ZFYVE28: variants seen among roughly 807,000 people sequenced by gnomAD.
ZFYVE28 encodes zinc finger FYVE-type containing 28.
A neutral mutation model predicts 82.1 loss-of-function variants in ZFYVE28; 40 were observed. The observed-to-expected ratio is 0.49, with a 90% CI of 0.38 to 0.63. The LOEUF is 0.63. Ranked by LOEUF, ZFYVE28 falls within the 30% of genes least tolerant of loss-of-function variation. The pLI is 0.00. For missense variants in ZFYVE28, 1,321 were observed against 1,242.1 expected (o/e 1.06, Z -0.96); for synonymous variants, 612 against 546.1 (o/e 1.12, Z -1.68).
chr4:2,407,105 C>G (rs1239137517), intron 1 of ZFYVE28, among the ~76,000 whole-genome samples: 1 of 117,764 alleles, frequency 8.5e-6, no homozygotes, highest in East Asian at 5.2e-4. Flanking sequence ...TACCCACTCC[C>G]TCCCCGACTC....
intron 1 of ZFYVE28, among the ~76,000 whole-genome samples, chr4:2,359,199 T>C (rs1725777236): frequency 6.6e-6 from 1 of 151,620 alleles, no homozygotes; most frequent in African/African-American, 2.4e-5. Flanking sequence ...GCCAGGATGG[T>C]CTCGATCACC....
intron 6 of ZFYVE28, among the ~76,000 whole-genome samples, chr4:2,323,694 T>G: frequency 1.6e-5 from 1 of 62,262 alleles, no homozygotes; most frequent in African/African-American, 6.8e-5. Flanking sequence ...CCCTCCCCCC[T>G]CCCCCCACCC....
At chr4:2,333,798 C>A (rs553184966) in intron 6 of ZFYVE28, among the ~76,000 whole-genome samples, 1 of 152,242 alleles carries the variant, frequency 6.6e-6, no homozygotes, top group Non-Finnish European at 1.5e-5. Context: ...GGCCGGCTCG[C>A]AGGATCTTTG....
intron 1 of ZFYVE28, among the ~76,000 whole-genome samples, chr4:2,357,390 C>T (rs1725486786): frequency 6.6e-6 from 1 of 152,214 alleles, no homozygotes; most frequent in African/African-American, 2.4e-5. Context: ...AGGAGCCTTC[C>T]TGCCACTTCC....
chr4:2,380,745 G>A (rs1728647060), intron 1 of ZFYVE28, among the ~76,000 whole-genome samples: 2 of 152,248 alleles, frequency 1.3e-5, no homozygotes, highest in African/African-American at 2.4e-5. Context: ...TTTTATCAGG[G>A]GTTTTCGCTT....
chr4:2,356,298 C>A (rs907539278), intron 1 of ZFYVE28, among the ~76,000 whole-genome samples: 1 of 152,208 alleles, frequency 6.6e-6, no homozygotes, highest in African/African-American at 2.4e-5. Flanking sequence ...GCTGACGGAG[C>A]CTCTGCACCC....
At chr4:2,350,044 C>T (rs1419336577) in intron 2 of ZFYVE28, among the ~76,000 whole-genome samples, 1 of 151,772 alleles carries the variant, frequency 6.6e-6, no homozygotes, top group Non-Finnish European at 1.5e-5. Flanking sequence ...GACACACACA[C>T]ACACACACAC....
At chr4:2,414,764 C>A (rs1045226046) in intron 1 of ZFYVE28, among the ~76,000 whole-genome samples, 2 of 152,206 alleles carry the variant, frequency 1.3e-5, no homozygotes, top group African/African-American at 4.8e-5. Context: ...CGGGAATTCT[C>A]ACCTCCTAGT....
At chr4:2,392,126 CCT>C (rs1729904107) in intron 1 of ZFYVE28, among the ~76,000 whole-genome samples, 1 of 151,434 alleles carries the variant, frequency 6.6e-6, no homozygotes, top group South Asian at 2.1e-4. Flanking sequence ...TGCACTCCAT[CCT>C]GGGCGACAGA....
chr4:2,371,147 T>A (rs1394711829), intron 1 of ZFYVE28, among the ~76,000 whole-genome samples: 1 of 152,004 alleles, frequency 6.6e-6, no homozygotes, highest in African/African-American at 2.4e-5. Context: ...ACGTGGGGGC[T>A]GAGTGGGGAA....
chr4:2,350,068 C>T (rs1337085182), intron 2 of ZFYVE28, among the ~76,000 whole-genome samples: 2 of 151,496 alleles, frequency 1.3e-5, no homozygotes, highest in Non-Finnish European at 2.9e-5. Flanking sequence ...CACACACACT[C>T]GGCATCCAGA....
rs1325898560 is a variant in ZFYVE28 at position 2,394,359 on chromosome 4, C to T, written c.39+23926G>A. On this transcript the variant is annotated intron_variant, in intron 1 of 12. Transcript: ENST00000290974. The surrounding 1 kb of genome is among the most constrained non-coding windows in gnomAD (Gnocchi z 4.0). ...TGCCGCAGGTGGCACAGCTGGGTCACCCACCCCAGCAGCCACGTATGCGAT... is the reference window on the plus strand; with the variant it reads ...TGCCGCAGGTGGCACAGCTGGGTCATCCACCCCAGCAGCCACGTATGCGAT... Among the ~76,000 whole-genome samples the T allele has an allele frequency of 6.6e-6, 1 of 152,204 alleles. No homozygotes were observed. The highest frequency in any genetic ancestry group is 2.4e-5 in the African/African-American group (1 of 41,448).
chr4:2,389,810 G>A (rs535648066), intron 1 of ZFYVE28, among the ~76,000 whole-genome samples: 1 of 152,276 alleles, frequency 6.6e-6, no homozygotes, highest in South Asian at 2.1e-4. Context: ...GAAGGGAGTG[G>A]CCTGCTGCTA....
chr4:2,339,124 T>C lies in ZFYVE28; in HGVS notation c.521+329A>G, dbSNP rs1285436746. Among the ~76,000 whole-genome samples the C allele has an allele frequency of 2.0e-5, 3 of 152,130 alleles. No homozygotes were observed. Among genetic ancestry groups the C allele is most frequent in the African/African-American group, 7.2e-5 (3 of 41,416 alleles). ...ACCGCACCCGCCTGGCTGCCTCTGT[T>C]TTCTTCTCACCTGTGACGTCTCTTC... On this transcript the variant is annotated intron_variant, in intron 4 of 12. Coordinates refer to ENST00000290974, the MANE Select transcript of ZFYVE28 (RefSeq NM_020972.3). The surrounding 1 kb of genome is among the most constrained non-coding windows in gnomAD (Gnocchi z 5.0).
intron 7 of ZFYVE28, chr4:2,319,141 GGCAGGGGGT>G (rs1718670059): frequency 6.6e-6 from 1 of 152,460 alleles, no homozygotes; most frequent in African/African-American, 2.4e-5. Context: ...CCATATGTGG[GGCAGGGGGT>G]GCATGTGCCT....
chr4:2,399,614 C>T (rs558281679), intron 1 of ZFYVE28, among the ~76,000 whole-genome samples: 1 of 152,340 alleles, frequency 6.6e-6, no homozygotes, highest in South Asian at 2.1e-4. Context: ...GTTTTAACTC[C>T]GTGCCCGTTT....
intron 1 of ZFYVE28, among the ~76,000 whole-genome samples, chr4:2,371,653 GACAA>G (rs755072866): frequency 5.3e-5 from 8 of 152,146 alleles, no homozygotes; most frequent in African/African-American, 7.2e-5. Flanking sequence ...GCAAAAAACA[GACAA>G]ACAAACAAAC....
At chr4:2,387,703 T>G (rs1487302070) in intron 1 of ZFYVE28, among the ~76,000 whole-genome samples, 1 of 152,034 alleles carries the variant, frequency 6.6e-6, no homozygotes, top group South Asian at 2.1e-4. Context: ...GTCCTGTGCT[T>G]CTCCTGCCAA....
intron 1 of ZFYVE28, 70 bp from the exon 2 acceptor site, chr4:2,354,143 G>A (rs1200438365): frequency 1.4e-6 from 2 of 1,390,630 alleles, no homozygotes; most frequent in Non-Finnish European, 9.4e-7. Flanking sequence ...TGGTTGCCTT[G>A]TCCCCAGGCC....
Sources: allele counts gnomAD v4.1 joint callset (sites outside exome capture counted in the v4.1 genomes callset), GRCh38; gene constraint gnomAD v4.1.1; non-coding constraint Gnocchi (gnomAD v3.1); transcripts MANE v1.5; gene names NCBI Gene and HGNC (gene_info 2026-07-23, HGNC 2026-07-21).